The following TBC1D16 variants were observed in gnomAD, a reference collection of about 807,000 sequenced individuals.
TBC1D16 encodes the protein CTD-2529O21.1.
In TBC1D16, 58 loss-of-function variants were observed where a neutral mutation model predicts 74.7. That is an observed-to-expected ratio of 0.78 (90% confidence interval 0.63 to 0.97). The LOEUF is 0.97. TBC1D16 is among the 50% of genes least tolerant of loss of function. The probability of loss-of-function intolerance (pLI) is 0.00; values close to 1 mark genes in which losing one functional copy is unlikely to be tolerated. For synonymous variants in TBC1D16, 493 were observed against 474.7 expected (o/e 1.04, Z -0.50); for missense variants, 1,014 against 1,079.5 (o/e 0.94, Z 0.85).
intron 3 of TBC1D16, among the ~76,000 whole-genome samples, chr17:79,968,603 C>T (rs2033938919): frequency 6.6e-6 from 1 of 152,094 alleles, no homozygotes; most frequent in South Asian, 2.1e-4. Flanking sequence ...CCTGTAATCC[C>T]AGCACTTTGG....
intron 9 of TBC1D16, among the ~76,000 whole-genome samples, chr17:79,946,464 A>G (rs564334558): frequency 7.2e-5 from 11 of 152,306 alleles, no homozygotes; most frequent in Admixed American, 2.0e-4. Flanking sequence ...ATGGACCAGT[A>G]CCAGTCCTGG....
At chr17:80,014,738 C>A (rs1401341995) in intron 1 of TBC1D16, among the ~76,000 whole-genome samples, 2 of 151,696 alleles carry the variant, frequency 1.3e-5, no homozygotes, top group African/African-American at 4.8e-5. Flanking sequence ...CTGCAATTTG[C>A]AGCCCTATCA....
rs1279021013 is a variant in TBC1D16, at chr17:79,983,712, C to A, written c.779+26448G>T. On this transcript the variant is annotated intron_variant, in intron 3 of 11. Coordinates refer to ENST00000310924, the MANE Select transcript of TBC1D16 (RefSeq NM_019020.4). The surrounding 1 kb of genome is among the most constrained non-coding windows in gnomAD (Gnocchi z 5.6). ...TCTGGAGACCGGGGCACGGAACGAC[C>A]AGACTGGGGAGGAAGGAGTGGAGCA... Among the ~76,000 whole-genome samples, 1 of 152,160 alleles carries A rather than the reference C, an allele frequency of 6.6e-6. No individual in the cohort carries two copies. Among genetic ancestry groups the A allele is most frequent in the Non-Finnish European group, 1.5e-5 (1 of 68,002 alleles).
Position 79,951,572 on chromosome 17 carries a change from G to C in TBC1D16, c.967C>G (p.Leu323Val). 6.2e-7 allele frequency: 1 copy of C among 1,613,900 alleles called. No individual in the cohort carries two copies. Among genetic ancestry groups the C allele is most frequent in the Non-Finnish European group, 8.5e-7 (1 of 1,179,934 alleles). The change falls in exon 5 of 12, where the codon CTG becomes GTG. Residue 323 changes from leucine (L) to valine (V), a missense_variant. Coordinates refer to ENST00000310924, the MANE Select transcript of TBC1D16 (RefSeq NM_019020.4). ...FSDEACTSGQ[L>V]VVASRESQYK... ...TGGCTCTCTCGGCTGGCAACGACCA[G>C]CTGGCCGCTGGTGCAGGCCTCGTCG...
At chr17:80,020,408 A>C (rs1035624103) in intron 1 of TBC1D16, among the ~76,000 whole-genome samples, 1 of 149,434 alleles carries the variant, frequency 6.7e-6, no homozygotes, top group African/African-American at 2.6e-5. Context: ...ACATGGTGAA[A>C]TCCTGTCTCT....
rs1163715906 is a variant in TBC1D16, at chr17:79,932,463, T to G, written c.*8396A>C. On this transcript the variant is annotated 3_prime_UTR_variant, in exon 12 of 12. Transcript: ENST00000310924. ...TCTGCCCGGTCCCCTGTAGCTAGTG[T>G]CCAGACACTGGTCACAGACCTCCAC... 5 of 152,264 alleles carry G rather than the reference T, an allele frequency of 3.3e-5. No homozygotes were observed. Among genetic ancestry groups the G allele is most frequent in the Non-Finnish European group, 4.4e-5 (3 of 68,070 alleles). The allele number at this position is 152,264 out of a possible 1,614,324, so 9.4% of individuals were successfully genotyped here. A position where few individuals can be genotyped will look rare whatever the true frequency, so the allele number is the denominator to read the frequency against.
In TBC1D16 at chr17:79,980,211, AT is replaced by A. The variant is rs2034524206; in HGVS notation, c.780-27394del. Among the ~76,000 whole-genome samples the A allele has an allele frequency of 6.6e-6, 1 of 152,206 alleles. No individual in the cohort carries two copies. Among genetic ancestry groups the A allele is most frequent in the Non-Finnish European group, 1.5e-5 (1 of 68,040 alleles). ...CCTAGGCAATTTAAAAATGGAGTGAATACTGATAATAATTTGACTAAATTTA... is the reference window on the plus strand; with the variant it reads ...CCTAGGCAATTTAAAAATGGAGTGAAACTGATAATAATTTGACTAAATTTA... On this transcript the variant is annotated intron_variant, in intron 3 of 11. Transcript: ENST00000310924. This position sits in a 1 kb window ranked among gnomAD's most constrained non-coding sequence, Gnocchi z 7.0.
rs534617200 is a variant in TBC1D16 at position 80,000,589 on chromosome 17, T to C, written c.779+9571A>G. Among the ~76,000 whole-genome samples, 5 of 152,326 alleles carry C rather than the reference T, an allele frequency of 3.3e-5. No individual in the cohort carries two copies. The East Asian group carries it at 9.6e-4, about 29-fold the overall frequency. On this transcript the variant is annotated intron_variant, in intron 3 of 11. Coordinates refer to ENST00000310924, the MANE Select transcript of TBC1D16 (RefSeq NM_019020.4). The surrounding 1 kb of genome is among the most constrained non-coding windows in gnomAD (Gnocchi z 4.1). ...ATTTCTCTTGTTTCAAGCACCCGGT[T>C]TGTGGTCCTTTGTCACAGCAGCCCC... is the stretch of plus-strand genomic sequence containing the variant.
At chr17:79,953,003 C>G (rs549314968) in intron 3 of TBC1D16, 185 bp from the exon 4 acceptor site, 1 of 521,462 alleles carries the variant, frequency 1.9e-6, no homozygotes, top group Non-Finnish European at 3.2e-6. Context: ...CTGCACAGTT[C>G]TACTTCCACT....
Position 80,013,553 on chromosome 17 carries a change from G to A in TBC1D16, c.-6C>T, listed in dbSNP as rs1182164568. The A allele has an allele frequency of 1.3e-6, 2 of 1,493,944 alleles. No homozygotes were observed. Among genetic ancestry groups the A allele is most frequent in the Middle Eastern group, 2.0e-4 (1 of 5,072 alleles). The allele number at this position is 1,493,944 out of a possible 1,614,324, so 92.5% of individuals were successfully genotyped here. ...AGGAGGCGGCCCAGAGACATTGCCG[G>A]GCAAGTGTTTCCATCCTCCGCATGC... is the stretch of plus-strand genomic sequence containing the variant. On this transcript the variant is annotated 5_prime_UTR_variant, in exon 2 of 12. Transcript: ENST00000310924.
chr17:79,946,219 T>C (rs534889520), intron 9 of TBC1D16, among the ~76,000 whole-genome samples: 2 of 152,248 alleles, frequency 1.3e-5, no homozygotes, highest in Non-Finnish European at 1.5e-5. Flanking sequence ...GACAAGGTAG[T>C]GCGAATGGTT....
At position 79,983,007 on chromosome 17, in the gene TBC1D16, C is replaced by A. The variant is rs549339415; in HGVS notation, c.779+27153G>T. 6.6e-6 allele frequency among the ~76,000 whole-genome samples: 1 copy of A among 152,206 alleles called. No homozygotes were observed. The highest frequency in any genetic ancestry group is 2.4e-5 in the African/African-American group (1 of 41,436). On this transcript the variant is annotated intron_variant, in intron 3 of 11. Coordinates refer to ENST00000310924, the MANE Select transcript of TBC1D16 (RefSeq NM_019020.4). The surrounding 1 kb of genome is among the most constrained non-coding windows in gnomAD (Gnocchi z 5.6). ...TGAACCTGCGTCATCCACGTTTGTG[C>A]GGAATCCCTGTGTGTGTGCACACGC...
At position 79,993,910 on chromosome 17, in the gene TBC1D16, C is replaced by T. The variant is rs964192484; in HGVS notation, c.779+16250G>A. Among the ~76,000 whole-genome samples, 2 of 152,314 alleles carry T rather than the reference C, an allele frequency of 1.3e-5. No homozygotes were observed. The highest frequency in any genetic ancestry group is 2.4e-5 in the African/African-American group (1 of 41,580). ...CCCATGCAACCACCGGCCGGGGTTG[C>T]GTCAAGGCCTCCCGGAGCAGCTGTC... is the stretch of plus-strand genomic sequence containing the variant. On this transcript the variant is annotated intron_variant, in intron 3 of 11. Transcript: ENST00000310924. This position sits in a 1 kb window ranked among gnomAD's most constrained non-coding sequence, Gnocchi z 5.1.
intron 3 of TBC1D16, chr17:79,992,718 T>C (rs1298752932): frequency 6.6e-6 from 1 of 152,322 alleles, no homozygotes; most frequent in African/African-American, 2.4e-5. Flanking sequence ...TGACCACATA[T>C]CTGCCACTAG....
rs985375660 is a variant in TBC1D16 at position 79,983,776 on chromosome 17, G to T, written c.779+26384C>A. On this transcript the variant is annotated intron_variant, in intron 3 of 11. Coordinates refer to ENST00000310924, the MANE Select transcript of TBC1D16 (RefSeq NM_019020.4). This position sits in a 1 kb window ranked among gnomAD's most constrained non-coding sequence, Gnocchi z 5.6. Reference sequence around the variant, plus strand: ...AAGCTCTAGTTCAGACACAGGGGGCGCTGGGTCACGGGGTTCATTTATGAT... The same window carrying T: ...AAGCTCTAGTTCAGACACAGGGGGCTCTGGGTCACGGGGTTCATTTATGAT... Among the ~76,000 whole-genome samples, 1 of 152,178 alleles carries T rather than the reference G, an allele frequency of 6.6e-6. No homozygotes were observed.
At chr17:79,972,702 A>G (rs2034164309) in intron 3 of TBC1D16, among the ~76,000 whole-genome samples, 1 of 152,170 alleles carries the variant, frequency 6.6e-6, no homozygotes, top group Admixed American at 6.5e-5. Flanking sequence ...TCGGTTGGGA[A>G]GATGAAAAAG....
At position 79,941,619 on chromosome 17, in the gene TBC1D16, G is replaced by C. The variant is rs1415834511; in HGVS notation, c.2055+441C>G. On this transcript the variant is annotated intron_variant, in intron 11 of 11. Transcript: ENST00000310924. This position sits in a 1 kb window ranked among gnomAD's most constrained non-coding sequence, Gnocchi z 4.3. ...GAGCTAACGGGCAGCATCTCCAGGA[G>C]GCGTCTGGGAAGTGGGGGAGGGGGC... 1.3e-5 allele frequency among the ~76,000 whole-genome samples: 2 copies of C among 152,358 alleles called. No homozygotes were observed. Among genetic ancestry groups the C allele is most frequent in the Non-Finnish European group, 2.9e-5 (2 of 68,028 alleles).
intron 3 of TBC1D16, among the ~76,000 whole-genome samples, chr17:79,998,266 A>G (rs1476378566): frequency 1.3e-5 from 2 of 151,222 alleles, no homozygotes; most frequent in Non-Finnish European, 2.9e-5. Flanking sequence ...TGTCTTCACA[A>G]TTTTGCCTTT....
intron 1 of TBC1D16, 75 bp from the exon 2 acceptor site, chr17:80,013,684 G>C (rs1039536594): frequency 9.5e-5 from 86 of 904,122 alleles, no homozygotes; most frequent in Non-Finnish European, 1.1e-4. Context: ...GTGTCGCCTC[G>C]GCACCCGGTG....
Sources: allele counts gnomAD v4.1 joint callset (sites outside exome capture counted in the v4.1 genomes callset), GRCh38; gene constraint gnomAD v4.1.1; non-coding constraint Gnocchi (gnomAD v3.1); transcripts MANE v1.5; gene names NCBI Gene and HGNC (gene_info 2026-07-23, HGNC 2026-07-21).